VSTM4: variants seen among roughly 807,000 people sequenced by gnomAD.
VSTM4 encodes V-set and transmembrane domain containing 4.
A neutral mutation model predicts 36.4 loss-of-function variants in VSTM4; 20 were observed. The observed-to-expected ratio is 0.55, with a 90% CI of 0.39 to 0.80. The LOEUF is 0.80. Among genes scored for constraint, VSTM4 ranks in the 30% least tolerant of loss-of-function variants. VSTM4 has a pLI of 0.00. For synonymous variants in VSTM4, 182 were observed against 173.9 expected, an observed-to-expected ratio of 1.05 and a Z score of -0.37; for missense variants, 392 against 404.5, an observed-to-expected ratio of 0.97 and a Z score of 0.26.
At chr10:49,045,513 C>T (rs752172931) in intron 7 of VSTM4, among the ~76,000 whole-genome samples, 12 of 152,106 alleles carry the variant, frequency 7.9e-5, no homozygotes, top group Non-Finnish European at 1.5e-5. Context: ...CAAGGAAAAA[C>T]AAGATATTTG....
intron 2 of VSTM4, among the ~76,000 whole-genome samples, chr10:49,095,384 A>G (rs1229689274): frequency 6.6e-6 from 1 of 151,970 alleles, no homozygotes; most frequent in Non-Finnish European, 1.5e-5. Context: ...GTGTACATGC[A>G]CCACATAACA....
In VSTM4 at chr10:49,069,994, T is replaced by C. The variant is rs924134830; in HGVS notation, c.635-5258A>G. Among the ~76,000 whole-genome samples the C allele has an allele frequency of 1.6e-5, 2 of 126,588 alleles. 1 individual carries two copies. Among genetic ancestry groups the C allele is most frequent in the Non-Finnish European group, 3.3e-5 (2 of 61,392 alleles). 83.0% of individuals were successfully genotyped at this position (126,588 alleles called of 152,430 possible). A position where few individuals can be genotyped will look rare whatever the true frequency, so the allele number is the denominator to read the frequency against. ...TCGGCCGGGCGCGGTGGCTCACGCC[T>C]GTAATCCCAGCACTTTGGGAGGCCG... is the stretch of plus-strand genomic sequence containing the variant. On this transcript the variant is annotated intron_variant, in intron 4 of 7. Transcript: ENST00000332853.
chr10:49,026,597 C>T (rs1428732126), intron 7 of VSTM4, among the ~76,000 whole-genome samples: 1 of 152,212 alleles, frequency 6.6e-6, no homozygotes, highest in Non-Finnish European at 1.5e-5. Context: ...GGCGTTTCAT[C>T]TCTGGGTGCC....
chr10:49,093,267 G>A (rs981530046), intron 2 of VSTM4, among the ~76,000 whole-genome samples: 2 of 152,120 alleles, frequency 1.3e-5, no homozygotes, highest in Middle Eastern at 3.4e-3. Context: ...CCGTGGGGTC[G>A]GAGCCCCACA....
At chr10:49,081,738 T>C (rs990153310) in intron 3 of VSTM4, among the ~76,000 whole-genome samples, 1 of 152,118 alleles carries the variant, frequency 6.6e-6, no homozygotes, top group African/African-American at 2.4e-5. Flanking sequence ...GGCCTCCAGT[T>C]ATGGACACCA....
At position 49,022,499 on chromosome 10, in the gene VSTM4, G is replaced by A. The variant is rs1422009354; in HGVS notation, c.838-2724C>T. ...AAGAGTTCTTCAAGCCAGCACCTCT[G>A]CTGGGGGTGACTGCCAAGTGACCTA... is the stretch of plus-strand genomic sequence containing the variant. On this transcript the variant is annotated intron_variant, in intron 7 of 7. Coordinates refer to ENST00000332853, the MANE Select transcript of VSTM4 (RefSeq NM_001031746.5). 3.9e-5 allele frequency among the ~76,000 whole-genome samples: 6 copies of A among 152,136 alleles called. No homozygotes were observed. The East Asian group carries it at 9.6e-4, about 24-fold the overall frequency.
intron 7 of VSTM4, among the ~76,000 whole-genome samples, chr10:49,022,822 GA>G (rs1212113416): frequency 1.3e-5 from 2 of 152,090 alleles, no homozygotes; most frequent in Non-Finnish European, 2.9e-5. Context: ...ACATTACCTT[GA>G]AATTGCATTG....
At chr10:49,089,233 C>T (rs888717924) in intron 2 of VSTM4, among the ~76,000 whole-genome samples, 1 of 152,094 alleles carries the variant, frequency 6.6e-6, no homozygotes, top group Non-Finnish European at 1.5e-5. Flanking sequence ...CAGAACAGTG[C>T]CTGAGACCTA....
intron 2 of VSTM4, chr10:49,104,007 T>C (rs1564596499): frequency 1.5e-6 from 1 of 687,386 alleles, no homozygotes; most frequent in Non-Finnish European, 2.4e-6. Context: ...TGTTGTTCTG[T>C]GTTTTTGTTT....
Position 49,107,809 on chromosome 10 carries a change from A to G in VSTM4, c.242T>C (p.Leu81Pro). The G allele has an allele frequency of 1.2e-6, 2 of 1,614,230 alleles. No homozygotes were observed. Among genetic ancestry groups the G allele is most frequent in the Non-Finnish European group, 1.7e-6 (2 of 1,180,044 alleles). The change falls in exon 2 of 8, where the codon CTC (leucine) becomes CCC (proline). Residue 81 changes from leucine (L) to proline (P), a missense_variant. Coordinates refer to ENST00000332853, the MANE Select transcript of VSTM4 (RefSeq NM_001031746.5). ...QEALMVKMTK[L>P]RVVQYYGNFS... ...ATTCCCATAGTACTGCACCACCCGG[A>G]GCTTGGTCATCTTCACCATCAAGGC...
chr10:49,102,799 A>G, intron 2 of VSTM4: 1 of 963,456 alleles, frequency 1.0e-6, no homozygotes, highest in African/African-American at 1.8e-5. Context: ...TTGAGGATCA[A>G]CTGTGTACCA....
intron 7 of VSTM4, among the ~76,000 whole-genome samples, chr10:49,039,938 A>G (rs1282517671): frequency 2.0e-5 from 3 of 152,250 alleles, no homozygotes; most frequent in African/African-American, 7.2e-5. Flanking sequence ...CTTCTGAAAC[A>G]AGGAAGTAAT....
chr10:49,092,501 A>G (rs886096208), intron 2 of VSTM4, among the ~76,000 whole-genome samples: 2 of 152,216 alleles, frequency 1.3e-5, no homozygotes, highest in African/African-American at 4.8e-5. Flanking sequence ...TAATAAGGAT[A>G]AGGAGTGATC....
chr10:49,049,395 G>A (rs1239307035), intron 5 of VSTM4, among the ~76,000 whole-genome samples: 2 of 152,140 alleles, frequency 1.3e-5, no homozygotes, highest in Non-Finnish European at 2.9e-5. Flanking sequence ...AACATACACT[G>A]CTCCGATATG....
intron 2 of VSTM4, among the ~76,000 whole-genome samples, chr10:49,087,636 C>T (rs1844392156): frequency 6.6e-6 from 1 of 152,126 alleles, no homozygotes; most frequent in South Asian, 2.1e-4. Flanking sequence ...AGCAAAAATC[C>T]TGGGGTATTT....
Position 49,019,545 on chromosome 10 carries a change from C to T in VSTM4, c.*105G>A, listed in dbSNP as rs1843148944. ...GCTGCTGAAAAGGGGCTCCCCACCA[C>T]TCAGAAGGCATGAGTGAAAATACAG... On this transcript the variant is annotated 3_prime_UTR_variant, in exon 8 of 8. Transcript: ENST00000332853. 6.9e-7 allele frequency: 1 copy of T among 1,439,116 alleles called. No homozygotes were observed. The highest frequency in any genetic ancestry group is 2.4e-5 in the East Asian group (1 of 41,348). 89.1% of individuals were successfully genotyped at this position (1,439,116 alleles called of 1,614,324 possible). A position where few individuals can be genotyped will look rare whatever the true frequency, so the allele number is the denominator to read the frequency against.
intron 2 of VSTM4, among the ~76,000 whole-genome samples, chr10:49,087,536 G>T (rs527712689): frequency 1.3e-5 from 2 of 152,302 alleles, no homozygotes; most frequent in African/African-American, 4.8e-5. Context: ...ATCAGGGTTT[G>T]AACTGTTGAG....
chr10:49,026,226 C>T (rs1049093238), intron 7 of VSTM4, among the ~76,000 whole-genome samples: 4 of 152,142 alleles, frequency 2.6e-5, no homozygotes, highest in African/African-American at 7.2e-5. Flanking sequence ...TAGTGTCTGC[C>T]GCCTCAATGA....
At chr10:49,057,083 C>T (rs1164087877) in intron 5 of VSTM4, among the ~76,000 whole-genome samples, 1 of 152,072 alleles carries the variant, frequency 6.6e-6, no homozygotes, top group South Asian at 2.1e-4. Flanking sequence ...GGTGAGAGAA[C>T]TCATTCATTA....
Sources: allele counts gnomAD v4.1 joint callset (sites outside exome capture counted in the v4.1 genomes callset), GRCh38; gene constraint gnomAD v4.1.1; transcripts MANE v1.5; gene names NCBI Gene and HGNC (gene_info 2026-07-23, HGNC 2026-07-21).